Variants in RASGRF2 observed in about 807,000 individuals in gnomAD.
The protein encoded by RASGRF2 is Ras protein specific guanine nucleotide releasing factor 2, also known as ras-specific guanine nucleotide-releasing factor 2.
A neutral mutation model predicts 151.0 loss-of-function variants in RASGRF2; 76 were observed. The observed-to-expected ratio is 0.50, with a 90% confidence interval of 0.42 to 0.61. The LOEUF is 0.61. Ranked by LOEUF, RASGRF2 falls within the 20% of genes least tolerant of loss-of-function variation. The pLI is 0.00. For synonymous variants in RASGRF2, 504 were observed against 566.5 expected (o/e 0.89, Z 1.57); for missense variants, 1,148 against 1,564.6 (o/e 0.73, Z 4.49).
At chr5:81,182,019 A>T (rs1184236813) in intron 18 of RASGRF2, among the ~76,000 whole-genome samples, 2 of 152,152 alleles carry the variant, frequency 1.3e-5, no homozygotes, top group Non-Finnish European at 1.5e-5. Flanking sequence ...CCTTTACAAT[A>T]AAGAGTTTTA....
rs139811013 is a variant in RASGRF2 at position 81,020,612 on chromosome 5, G to A, written c.289-22265G>A. 3.1e-4 allele frequency among the ~76,000 whole-genome samples: 47 copies of A among 152,330 alleles called. 1 individual carries two copies. Among genetic ancestry groups the A allele is most frequent in the Admixed American group, 2.9e-3 (45 of 15,304 alleles). On this transcript the variant is annotated intron_variant, in intron 1 of 26. Transcript: ENST00000265080. ...CATTAGTGGACAGCTCTCAGCCAGTGTGAGAAAAGAAGGTGCAGAGGAGAG... is the reference window on the plus strand; with the variant it reads ...CATTAGTGGACAGCTCTCAGCCAGTATGAGAAAAGAAGGTGCAGAGGAGAG...
In RASGRF2 at chr5:80,998,864, C is replaced by G. The variant is rs74560277; in HGVS notation, c.288+37838C>G. ...GAGGTTCATTCTGCTGTGAGATTGC[C>G]TCCGTTTGGCTGTGTACATCTGCTG... On this transcript the variant is annotated intron_variant, in intron 1 of 26. Coordinates refer to ENST00000265080, the MANE Select transcript of RASGRF2 (RefSeq NM_006909.3). Among the ~76,000 whole-genome samples, 1,370 of 152,248 alleles carry G rather than the reference C, an allele frequency of 9.0e-3. 30 individuals are homozygous for G. The highest frequency in any genetic ancestry group is 0.032 in the African/African-American group (1,310 of 41,552).
intron 1 of RASGRF2, among the ~76,000 whole-genome samples, chr5:80,999,182 T>C (rs1748997650): frequency 6.6e-6 from 1 of 152,084 alleles, no homozygotes; most frequent in Admixed American, 6.5e-5. Context: ...TGTTCACCCA[T>C]TCCTATTTAA....
At chr5:81,204,223 G>A (rs1204828265) in intron 19 of RASGRF2, 3 of 152,218 alleles carry the variant, frequency 2.0e-5, no homozygotes, top group African/African-American at 7.2e-5. Flanking sequence ...AAGACTAGAA[G>A]CAAATCTTTT....
rs79325124 is a variant in RASGRF2, at chr5:81,042,213, A to G, written c.289-664A>G. Among the ~76,000 whole-genome samples, 764 of 152,306 alleles carry G rather than the reference A, an allele frequency of 5.0e-3. 8 individuals are homozygous for G. Among genetic ancestry groups the G allele is most frequent in the African/African-American group, 0.018 (731 of 41,562 alleles). ...TGAGCCCAGTTCCTTTCATCCAACA[A>G]TAACTTACATTACACCTCTGCCAAA... On this transcript the variant is annotated intron_variant, in intron 1 of 26. Transcript: ENST00000265080.
chr5:81,035,256 T>G (rs369195692), intron 1 of RASGRF2, among the ~76,000 whole-genome samples: 1 of 152,106 alleles, frequency 6.6e-6, no homozygotes, highest in Non-Finnish European at 1.5e-5. Flanking sequence ...ATGTGGCACA[T>G]ATATACCATG....
chr5:81,043,019 T>C (rs1471814172), intron 2 of RASGRF2, 36 bp downstream of exon 2: 1 of 1,511,956 alleles, frequency 6.6e-7, no homozygotes, highest in Admixed American at 1.8e-5. Context: ...TACTTGATTG[T>C]CTGGGTCCTG....
chr5:80,994,192 C>T (rs911016422), intron 1 of RASGRF2, among the ~76,000 whole-genome samples: 6 of 151,790 alleles, frequency 4.0e-5, no homozygotes, highest in East Asian at 3.9e-4. Flanking sequence ...GGTGAAACCC[C>T]GTCTCTAATA....
chr5:81,074,849 G>C (rs1245350367), intron 5 of RASGRF2, among the ~76,000 whole-genome samples: 2 of 152,168 alleles, frequency 1.3e-5, no homozygotes, highest in East Asian at 3.9e-4. Flanking sequence ...CAGGGGACAT[G>C]GGGCTTTCAC....
intron 12 of RASGRF2, among the ~76,000 whole-genome samples, chr5:81,107,436 C>T (rs1305175034): frequency 6.6e-6 from 1 of 152,170 alleles, no homozygotes; most frequent in Admixed American, 6.5e-5. Flanking sequence ...TTGATGAGAA[C>T]CCATGAGATA....
At position 81,003,474 on chromosome 5, in the gene RASGRF2, T is replaced by C. The variant is rs183456792; in HGVS notation, c.289-39403T>C. Among the ~76,000 whole-genome samples, 1,499 of 150,510 alleles carry C rather than the reference T, an allele frequency of 1.0e-2. 12 individuals carry two copies. The highest frequency in any genetic ancestry group is 0.028 in the African/African-American group (1,124 of 39,962). On this transcript the variant is annotated intron_variant, in intron 1 of 26. Transcript: ENST00000265080. ...TACTGACCTCGTGATCTGCCCGCCT[T>C]GGCCTCCCAAAGTGCTGGGATTACA...
At chr5:81,213,657 C>A (rs1382222216) in intron 23 of RASGRF2, among the ~76,000 whole-genome samples, 7 of 152,132 alleles carry the variant, frequency 4.6e-5, no homozygotes, top group Non-Finnish European at 1.0e-4. Context: ...AAGCTTTTCC[C>A]TTTAGCATAG....
intron 17 of RASGRF2, among the ~76,000 whole-genome samples, chr5:81,149,270 A>G (rs919091168): frequency 3.3e-5 from 5 of 152,256 alleles, no homozygotes; most frequent in African/African-American, 9.6e-5. Flanking sequence ...AATGTAGTAT[A>G]TATGCACCAT....
chr5:81,143,802 A>G (rs1438521175), intron 17 of RASGRF2, among the ~76,000 whole-genome samples: 1 of 151,902 alleles, frequency 6.6e-6, no homozygotes, highest in East Asian at 1.9e-4. Context: ...AGGCAGGAGA[A>G]TTGCTTGAAC....
chr5:81,104,918 A>G (rs1752802730), intron 12 of RASGRF2, among the ~76,000 whole-genome samples: 1 of 152,178 alleles, frequency 6.6e-6, no homozygotes, highest in East Asian at 1.9e-4. Context: ...CTTGGGTTAC[A>G]CATCGTGGCT....
chr5:81,053,492 A>G (rs186489443), intron 2 of RASGRF2, among the ~76,000 whole-genome samples: 17,191 of 152,030 alleles, frequency 0.11, 1,246 homozygotes, highest in Non-Finnish European at 0.16. Context: ...TCCATGGTGT[A>G]TATGTGCCAT....
In RASGRF2 at chr5:80,972,514, C is replaced by T. The variant is rs1747971987; in HGVS notation, c.288+11488C>T. Among the ~76,000 whole-genome samples, 3 of 151,954 alleles carry T rather than the reference C, an allele frequency of 2.0e-5. No homozygotes were observed. In the South Asian group the frequency reaches 6.2e-4, roughly 32 times the overall value. ...TTTTCTTCTGAGCCAGAGTCTTGCT[C>T]TGTCACCCAGGCTGGAGTGCAGTGG... is the stretch of plus-strand genomic sequence containing the variant. On this transcript the variant is annotated intron_variant, in intron 1 of 26. Transcript: ENST00000265080.
At chr5:81,135,649 G>A (rs1459214336) in intron 17 of RASGRF2, among the ~76,000 whole-genome samples, 1 of 152,116 alleles carries the variant, frequency 6.6e-6, no homozygotes, top group East Asian at 1.9e-4. Flanking sequence ...TCTATTGTAT[G>A]GATATACCAC....
chr5:80,974,989 AC>A (rs1279512868), intron 1 of RASGRF2, among the ~76,000 whole-genome samples: 1 of 152,106 alleles, frequency 6.6e-6, no homozygotes, highest in Non-Finnish European at 1.5e-5. Context: ...GAGCTTGTCT[AC>A]TTCCAGTTTG....
Sources: allele counts gnomAD v4.1 joint callset (sites outside exome capture counted in the v4.1 genomes callset), GRCh38; gene constraint gnomAD v4.1.1; transcripts MANE v1.5; gene names NCBI Gene and HGNC (gene_info 2026-07-23, HGNC 2026-07-21).